Variants in PARP12 observed in about 807,000 individuals in gnomAD.
The protein encoded by PARP12 is protein mono-ADP-ribosyltransferase PARP12.
In PARP12, 59 loss-of-function variants were observed where a neutral mutation model predicts 72.4. That is an observed-to-expected ratio of 0.81 (90% CI 0.66 to 1.01). PARP12 has a LOEUF of 1.01. PARP12 is among the 50% of genes least tolerant of loss of function. PARP12 has a pLI of 0.00. For missense variants in PARP12, 851 were observed against 914.0 expected (o/e 0.93, Z 0.89); for synonymous variants, 403 against 371.4 (o/e 1.09, Z -0.98).
At chr7:140,057,562 C>G (rs1817239273) in intron 2 of PARP12, 4 of 370,924 alleles carry the variant, frequency 1.1e-5, no homozygotes. Context: ...AATTCAAAGT[C>G]AAAGAGGCTC....
At chr7:140,060,717 C>T (rs2116683773) in intron 1 of PARP12, among the ~76,000 whole-genome samples, 1 of 145,836 alleles carries the variant, frequency 6.9e-6, no homozygotes, top group East Asian at 2.2e-4. Context: ...TTGCTGTGTG[C>T]CTTCCTCCTC....
intron 7 of PARP12, among the ~76,000 whole-genome samples, chr7:140,035,942 G>A (rs1454684694): frequency 0.013 from 1,576 of 118,050 alleles, 314 homozygotes; most frequent in African/African-American, 0.044. Context: ...GGAGGAGGAG[G>A]AGGAGGAGGA....
chr7:140,031,706 T>C (rs1356054261), intron 8 of PARP12, among the ~76,000 whole-genome samples: 1 of 152,202 alleles, frequency 6.6e-6, no homozygotes, highest in Non-Finnish European at 1.5e-5. Context: ...ATTTGGCATC[T>C]TCTTGTGGCC....
At chr7:140,041,332 C>T (rs1413384280) in intron 6 of PARP12, 1 of 248,856 alleles carries the variant, frequency 4.0e-6, no homozygotes, top group Non-Finnish European at 7.8e-6. Context: ...GGTTAAGTTA[C>T]CTGTTCAACA....
chr7:140,040,803 G>A (rs868030895), intron 6 of PARP12, among the ~76,000 whole-genome samples: 6 of 152,102 alleles, frequency 3.9e-5, no homozygotes, highest in African/African-American at 1.2e-4. Context: ...TCGCTCTTTC[G>A]CCCAGGCTGG....
At position 140,062,520 on chromosome 7, in the gene PARP12, A is replaced by C. The variant is rs776980425; in HGVS notation, c.326+2T>G. ...GCCGTCGCTCCCGGCGCGGCGCCTT[A>C]CCCGGCTCTCAGGAACTTGCAGGCG... On this transcript the variant is annotated splice_donor_variant, in intron 1 of 11. Coordinates refer to ENST00000263549, the MANE Select transcript of PARP12 (RefSeq NM_022750.4). LOFTEE classifies it high-confidence loss of function. 9.7e-6 allele frequency: 15 copies of C among 1,544,700 alleles called. No homozygotes were observed. The highest frequency in any genetic ancestry group is 1.2e-5 in the Non-Finnish European group (14 of 1,149,950).
At chr7:140,030,471 G>A (rs111424113) in intron 8 of PARP12, among the ~76,000 whole-genome samples, 12,508 of 152,168 alleles carry the variant, frequency 0.082, 817 homozygotes, top group African/African-American at 0.19. Context: ...GGTGGCGCAC[G>A]CCAGTAGTCC....
intron 3 of PARP12, 103 bp from the exon 4 acceptor site, chr7:140,054,866 G>A: frequency 4.3e-6 from 4 of 937,574 alleles, no homozygotes; most frequent in South Asian, 1.4e-5. Context: ...GGCAACGCAA[G>A]CTCACAAAGC....
intron 11 of PARP12, 98 bp downstream of exon 11, chr7:140,026,099 A>G: frequency 6.4e-7 from 1 of 1,569,374 alleles, no homozygotes; most frequent in Non-Finnish European, 8.7e-7. Flanking sequence ...GAACCTGCTC[A>G]TCAGCTCAGG....
At chr7:140,032,757 C>T (rs540218502) in intron 8 of PARP12, among the ~76,000 whole-genome samples, 2 of 152,116 alleles carry the variant, frequency 1.3e-5, no homozygotes, top group Non-Finnish European at 1.5e-5. Context: ...GAAGAAAATA[C>T]TTTTATATGT....
intron 10 of PARP12, 39 bp from the exon 11 acceptor site, chr7:140,026,387 G>GCTGGGGGCAGAGTGTT: frequency 6.3e-7 from 1 of 1,584,488 alleles, no homozygotes; most frequent in Non-Finnish European, 8.6e-7. Flanking sequence ...GGCAGAGTGT[G>GCTGGGGGCAGAGTGTT]CCGGCCACCA....
chr7:140,035,518 T>C (rs1228090807), intron 7 of PARP12, among the ~76,000 whole-genome samples: 1 of 152,258 alleles, frequency 6.6e-6, no homozygotes, highest in Non-Finnish European at 1.5e-5. Context: ...GGCTACAGCC[T>C]GTCTTTGGGG....
intron 8 of PARP12, chr7:140,033,629 G>C (rs917355848): frequency 3.0e-6 from 3 of 985,280 alleles, no homozygotes; most frequent in South Asian, 4.7e-5. Flanking sequence ...CAGAGGTTGA[G>C]ATAGGGTCTG....
At chr7:140,049,892 C>A (rs1488516550) in intron 4 of PARP12, among the ~76,000 whole-genome samples, 2 of 152,154 alleles carry the variant, frequency 1.3e-5, no homozygotes, top group Admixed American at 1.3e-4. Context: ...CTTCTTTTCC[C>A]GCCTTCTAAT....
intron 1 of PARP12, among the ~76,000 whole-genome samples, chr7:140,061,986 G>C (rs1025248953): frequency 1.4e-5 from 1 of 72,348 alleles, no homozygotes; most frequent in East Asian, 3.1e-4. Flanking sequence ...AAATGCCCGG[G>C]GGGGGGGGGG....
At chr7:140,062,472 G>T (rs1208779667) in intron 1 of PARP12, 50 bp downstream of exon 1, 1 of 1,484,910 alleles carries the variant, frequency 6.7e-7, no homozygotes, top group South Asian at 1.2e-5. Flanking sequence ...GGAAGTGCGT[G>T]AGGGCGCGCA....
intron 4 of PARP12, among the ~76,000 whole-genome samples, chr7:140,051,949 C>G (rs1816979429): frequency 6.6e-6 from 1 of 152,190 alleles, no homozygotes; most frequent in Non-Finnish European, 1.5e-5. Context: ...AGAAAGCCAA[C>G]AAGTAAAATG....
chr7:140,057,792 C>A (rs1817248240), intron 2 of PARP12, 107 bp downstream of exon 2: 23 of 1,466,396 alleles, frequency 1.6e-5, no homozygotes, highest in Non-Finnish European at 1.7e-5. Flanking sequence ...GGAAACCAGA[C>A]CAGAGATCAC....
At position 140,028,662 on chromosome 7, in the gene PARP12, C is replaced by T; in HGVS notation, c.1448G>A (p.Ser483Asn). 3 of 1,604,790 alleles carry T rather than the reference C, an allele frequency of 1.9e-6. No individual in the cohort carries two copies. The highest frequency in any genetic ancestry group is 2.6e-6 in the Non-Finnish European group (3 of 1,175,350). Residue 483 changes from serine to asparagine, a missense_variant, in exon 9 of 12, where the codon AGC becomes AAC. Transcript: ENST00000263549. ...TCNTKFPGPK[S>N]IPDYWDSSAL... ...AGAGGAGTCCCAATAGTCTGGGATG[C>T]TCTTCGGGCCTGGAAACTTGGTATT...
Sources: allele counts gnomAD v4.1 joint callset (sites outside exome capture counted in the v4.1 genomes callset), GRCh38; gene constraint gnomAD v4.1.1; transcripts MANE v1.5; gene names NCBI Gene and HGNC (gene_info 2026-07-23, HGNC 2026-07-21).